Variants in STPG2 observed in about 807,000 individuals in gnomAD.
The protein encoded by STPG2 is sperm-tail PG-rich repeat-containing protein 2.
Under a neutral mutation model 54.2 loss-of-function variants are expected in STPG2, and 56 were observed. The ratio of observed to expected loss-of-function variants is 1.03; its 90% CI spans 0.83 to 1.29. The LOEUF (loss-of-function observed/expected upper bound fraction) is 1.29. Ranked by LOEUF, STPG2 falls within the 50% of genes most tolerant of loss-of-function variation. STPG2 has a pLI of 0.00. For missense variants in STPG2, 596 were observed against 544.9 expected (o/e 1.09, Z -0.93); for synonymous variants, 200 against 181.8 (o/e 1.10, Z -0.81).
At chr4:98,047,727 G>A (rs1457181542) in intron 5 of STPG2, among the ~76,000 whole-genome samples, 1 of 152,094 alleles carries the variant, frequency 6.6e-6, no homozygotes, top group Non-Finnish European at 1.5e-5. Context: ...GCTAGAGCCA[G>A]CCACAAGGAA....
chr4:98,033,166 C>G (rs1310407344), intron 5 of STPG2, among the ~76,000 whole-genome samples: 2 of 151,364 alleles, frequency 1.3e-5, no homozygotes, highest in Admixed American at 6.6e-5. Flanking sequence ...AATCCAGGAG[C>G]TAGTTTTTTG....
At chr4:97,931,115 CATGTCATCTGCAAACAGAT>C (rs2149218652) in intron 8 of STPG2, among the ~76,000 whole-genome samples, 1 of 152,292 alleles carries the variant, frequency 6.6e-6, no homozygotes, top group Admixed American at 6.5e-5. Flanking sequence ...AATATAGGAT[CATGTCATCTGCAAACAGAT>C]ATAGTTTGGC....
intron 8 of STPG2, among the ~76,000 whole-genome samples, chr4:97,938,010 A>C (rs1732814366): frequency 1.3e-5 from 2 of 152,210 alleles, no homozygotes; most frequent in African/African-American, 4.8e-5. Flanking sequence ...GCAGGTCCAC[A>C]GAGACCATGG....
At position 98,110,182 on chromosome 4, in the gene STPG2, C is replaced by CA. The variant is rs927349891; in HGVS notation, c.388-878_388-877insT. On this transcript the variant is annotated intron_variant, in intron 3 of 10. Transcript: ENST00000295268. ...ATGAGCAGGGTAAGAGAGAGCCCCC[C>CA]CAGCCAAGAATGTCAGGCGACCATC... Among the ~76,000 whole-genome samples the CA allele has an allele frequency of 4.6e-5, 7 of 151,968 alleles. No homozygotes were observed. In the East Asian group the frequency reaches 5.8e-4, roughly 13 times the overall value.
intron 10 of STPG2, among the ~76,000 whole-genome samples, chr4:97,681,195 A>C (rs1451825367): frequency 6.6e-6 from 1 of 151,940 alleles, no homozygotes; most frequent in Admixed American, 6.6e-5. Flanking sequence ...GAAAGGTCTA[A>C]GAAAATAATT....
chr4:98,141,393 G>C (rs1258063418), intron 1 of STPG2, among the ~76,000 whole-genome samples: 1 of 152,110 alleles, frequency 6.6e-6, no homozygotes, highest in African/African-American at 2.4e-5. Context: ...CTGATAAGAA[G>C]CATTTTACAA....
chr4:97,775,426 G>A (rs1726346800), intron 9 of STPG2, among the ~76,000 whole-genome samples: 1 of 151,860 alleles, frequency 6.6e-6, no homozygotes, highest in African/African-American at 2.4e-5. Context: ...TTTAAAAAAT[G>A]CAAAAATAAA....
intron 8 of STPG2, among the ~76,000 whole-genome samples, chr4:97,858,004 TA>T (rs936934247): frequency 1.4e-4 from 21 of 151,914 alleles, no homozygotes; most frequent in Non-Finnish European, 2.7e-4. Flanking sequence ...TTGGATGATA[TA>T]AAAAAATTAA....
At chr4:97,860,220 T>A (rs988757879) in intron 8 of STPG2, among the ~76,000 whole-genome samples, 5 of 152,156 alleles carry the variant, frequency 3.3e-5, no homozygotes, top group Non-Finnish European at 7.4e-5. Flanking sequence ...GCTCTTTTTT[T>A]GTTCCATATG....
At chr4:97,860,075 C>T (rs1729468806) in intron 8 of STPG2, among the ~76,000 whole-genome samples, 1 of 152,166 alleles carries the variant, frequency 6.6e-6, no homozygotes, top group South Asian at 2.1e-4. Context: ...TATTCTGTTC[C>T]ATTGGTCTAC....
chr4:97,443,127 G>A (rs1729131637), intron 4 of STPG2, among the ~76,000 whole-genome samples: 1 of 152,058 alleles, frequency 6.6e-6, no homozygotes, highest in Non-Finnish European at 1.5e-5. Context: ...AGTTTTGAAG[G>A]GCCAGAAATT....
intron 10 of STPG2, among the ~76,000 whole-genome samples, chr4:97,680,331 G>A (rs1226930255): frequency 6.6e-6 from 1 of 151,390 alleles, no homozygotes; most frequent in Admixed American, 6.6e-5. Flanking sequence ...TCTCCTTGAA[G>A]AGGTCCTTCA....
In STPG2 at chr4:98,135,570, T is replaced by C. The variant is rs74820231; in HGVS notation, c.110-1111A>G. ...AGAGAAGTTCTCATCCACATTGAGA[T>C]GATCAGGAAAAACTTCATGGATGAT... is the stretch of plus-strand genomic sequence containing the variant. On this transcript the variant is annotated intron_variant, in intron 1 of 10. Coordinates refer to ENST00000295268, the MANE Select transcript of STPG2 (RefSeq NM_174952.3). Among the ~76,000 whole-genome samples, 1,202 of 151,894 alleles carry C rather than the reference T, an allele frequency of 7.9e-3. 14 individuals carry two copies. Among genetic ancestry groups the C allele is most frequent in the African/African-American group, 0.027 (1,133 of 41,534 alleles).
chr4:97,802,869 A>G (rs1473052025), intron 9 of STPG2, among the ~76,000 whole-genome samples: 1 of 152,154 alleles, frequency 6.6e-6, no homozygotes, highest in Non-Finnish European at 1.5e-5. Context: ...GGTGACAGTA[A>G]TATATTTGAA....
Position 97,681,873 on chromosome 4 carries a change from T to C in STPG2, c.1320+30826A>G, listed in dbSNP as rs79938180. On this transcript the variant is annotated intron_variant, in intron 10 of 10. Transcript: ENST00000295268. ...CATAATGATCTGCACACAGCACTGT[T>C]ACCAGTTTAGCATTTGCGGTGTTAG... Among the ~76,000 whole-genome samples the C allele has an allele frequency of 4.1e-4, 62 of 151,972 alleles. 1 individual carries two copies. The East Asian group carries it at 0.011, about 27-fold the overall frequency.
At chr4:97,958,188 T>C (rs1733755464) in intron 7 of STPG2, among the ~76,000 whole-genome samples, 1 of 151,964 alleles carries the variant, frequency 6.6e-6, no homozygotes. Context: ...TGAGTGCCTC[T>C]AATCCCAGCT....
intron 4 of STPG2, among the ~76,000 whole-genome samples, chr4:97,539,385 T>A (rs992935830): frequency 7.2e-5 from 11 of 151,914 alleles, no homozygotes. Context: ...AAGGCAGGGG[T>A]TGGAATCCTA....
intron 10 of STPG2, among the ~76,000 whole-genome samples, chr4:97,567,452 A>G (rs901495710): frequency 1.3e-5 from 2 of 149,442 alleles, no homozygotes; most frequent in Middle Eastern, 3.6e-3. Context: ...ATATATGTAT[A>G]TATATATATT....
At chr4:97,948,285 T>C (rs1371771497) in intron 7 of STPG2, among the ~76,000 whole-genome samples, 1 of 152,090 alleles carries the variant, frequency 6.6e-6, no homozygotes. Flanking sequence ...TTATTTCTAA[T>C]TGACCTTATT....
Sources: gnomAD v4.1 joint callset for allele counts (sites outside exome capture counted in the v4.1 genomes callset) on GRCh38, gnomAD v4.1.1 for gene constraint, MANE v1.5 for transcripts, NCBI Gene and HGNC (gene_info 2026-07-23, HGNC 2026-07-21) for gene names.